GRAMD1B: variants seen among roughly 807,000 people sequenced by gnomAD.
The protein encoded by GRAMD1B is protein Aster-B.
Under a neutral mutation model 99.7 loss-of-function variants are expected in GRAMD1B, and 37 were observed. The ratio of observed to expected loss-of-function variants is 0.37; its 90% CI spans 0.29 to 0.49. The LOEUF (loss-of-function observed/expected upper bound fraction) is 0.49, where lower values mean the gene tolerates loss of function less well. Ranked by LOEUF, GRAMD1B falls within the 20% of genes least tolerant of loss-of-function variation. GRAMD1B has a pLI of 0.98. For missense variants in GRAMD1B, 888 were observed against 1,009.2 expected (o/e 0.88, Z 1.63); for synonymous variants, 427 against 387.6 (o/e 1.10, Z -1.19).
Position 123,442,497 on chromosome 11 carries a change from C to T in GRAMD1B, c.374+11331C>T, listed in dbSNP as rs144391923. Among the ~76,000 whole-genome samples, 673 of 152,260 alleles carry T rather than the reference C, an allele frequency of 4.4e-3. 2 individuals are homozygous for T. The highest frequency in any genetic ancestry group is 6.8e-3 in the Middle Eastern group (2 of 294). On this transcript the variant is annotated intron_variant, in intron 1 of 19. Coordinates refer to ENST00000635736, the MANE Select transcript of GRAMD1B (RefSeq NM_001387025.1). ...TAAGAAAGTAAAGGAAGGCTGGGCGCGGTGGCTCATGCCTATAATCCCAGC... is the reference window on the plus strand; with the variant it reads ...TAAGAAAGTAAAGGAAGGCTGGGCGTGGTGGCTCATGCCTATAATCCCAGC...
At chr11:123,362,404 C>T (rs1414576377) in intron 1 of GRAMD1B, among the ~76,000 whole-genome samples, 1 of 152,160 alleles carries the variant, frequency 6.6e-6, no homozygotes, top group Admixed American at 6.5e-5. Context: ...CTTGGTGCAA[C>T]TCTGGATCTT....
At chr11:123,403,436 G>A (rs1430868270) in intron 1 of GRAMD1B, among the ~76,000 whole-genome samples, 1 of 119,942 alleles carries the variant, frequency 8.3e-6, no homozygotes, top group African/African-American at 3.8e-5. Context: ...TCAAAATAAT[G>A]ATGATGATGA....
chr11:123,370,878 T>C (rs1346548747), intron 1 of GRAMD1B, among the ~76,000 whole-genome samples: 1 of 152,026 alleles, frequency 6.6e-6, no homozygotes, highest in Non-Finnish European at 1.5e-5. Flanking sequence ...GAGCAGCGAG[T>C]TGGGGTCCTC....
At chr11:123,534,692 GTC>G (rs1387710435) in intron 2 of GRAMD1B, among the ~76,000 whole-genome samples, 1 of 151,952 alleles carries the variant, frequency 6.6e-6, no homozygotes, top group African/African-American at 2.4e-5. Flanking sequence ...GTGAAACTCT[GTC>G]TCTACTAAAA....
At position 123,624,095 on chromosome 11, in the gene GRAMD1B, G is replaced by C. The variant is rs909820962; in HGVS notation, c.*1500G>C. The C allele has an allele frequency of 2.0e-5, 3 of 152,172 alleles. No individual in the cohort carries two copies. Among genetic ancestry groups the C allele is most frequent in the African/African-American group, 7.2e-5 (3 of 41,440 alleles). 9.4% of individuals were successfully genotyped at this position (152,172 alleles called of 1,614,324 possible). On this transcript the variant is annotated 3_prime_UTR_variant, in exon 20 of 20. Transcript: ENST00000635736. ...TGTAATGACCAAAAGAGTCCCACCA[G>C]CTCCAGGCAGAGCTTGTGGAGATTC...
intron 1 of GRAMD1B, chr11:123,458,507 C>T (rs1950259789): frequency 6.6e-6 from 1 of 152,168 alleles, no homozygotes; most frequent in South Asian, 2.1e-4. Context: ...AAAAATAATG[C>T]TTTACCGGGT....
At chr11:123,481,937 T>C (rs1435724592) in intron 2 of GRAMD1B, among the ~76,000 whole-genome samples, 1 of 152,172 alleles carries the variant, frequency 6.6e-6, no homozygotes, top group African/African-American at 2.4e-5. Flanking sequence ...AAGGTACTTT[T>C]ACCACATTTA....
chr11:123,502,508 C>T (rs1309661260), intron 2 of GRAMD1B, among the ~76,000 whole-genome samples: 7 of 152,170 alleles, frequency 4.6e-5, no homozygotes, highest in African/African-American at 1.7e-4. Flanking sequence ...AATACTGTGG[C>T]ACATGCCTGT....
At chr11:123,513,578 T>TTTCCTTCCTTCGTTCCTTCC (rs1941302681) in intron 2 of GRAMD1B, among the ~76,000 whole-genome samples, 7 of 41,672 alleles carry the variant, frequency 1.7e-4, no homozygotes, top group Non-Finnish European at 3.2e-4. Flanking sequence ...CCTTCCTTCC[T>TTTCCTTCCTTCGTTCCTTCC]TTCCTTCCTT....
At chr11:123,436,289 C>T (rs577902855) in intron 1 of GRAMD1B, among the ~76,000 whole-genome samples, 1 of 152,186 alleles carries the variant, frequency 6.6e-6, no homozygotes, top group East Asian at 1.9e-4. Context: ...ATCCCATTTC[C>T]CCAGCCCTAG....
At chr11:123,529,172 G>A (rs1027728647) in intron 2 of GRAMD1B, among the ~76,000 whole-genome samples, 1 of 107,784 alleles carries the variant, frequency 9.3e-6, no homozygotes, top group Non-Finnish European at 2.3e-5. Flanking sequence ...TCACACCTCC[G>A]ACACATGTGT....
rs1953339583 is a variant in GRAMD1B at position 123,610,131 on chromosome 11, G to T, written c.1777-65G>T. ...GTGGGGTGGGCTTGGGGAGGCTGGAGAAGGTGCTTTTCCAAGCTTCTTGCT... is the reference window on the plus strand; with the variant it reads ...GTGGGGTGGGCTTGGGGAGGCTGGATAAGGTGCTTTTCCAAGCTTCTTGCT... On this transcript the variant is annotated intron_variant, in intron 13 of 19. Transcript: ENST00000635736. The surrounding 1 kb of genome is among the most constrained non-coding windows in gnomAD (Gnocchi z 4.1). 7 of 1,526,286 alleles carry T rather than the reference G, an allele frequency of 4.6e-6. No homozygotes were observed. The Admixed American group carries it at 1.2e-4, about 26-fold the overall frequency. 94.5% of individuals were successfully genotyped at this position (1,526,286 alleles called of 1,614,324 possible).
At chr11:123,434,580 G>A (rs570766445) in intron 1 of GRAMD1B, among the ~76,000 whole-genome samples, 244 of 152,324 alleles carry the variant, frequency 1.6e-3, no homozygotes, top group Middle Eastern at 3.4e-3. Flanking sequence ...TTGAGGCCAG[G>A]AGTTCGAGAC....
intron 1 of GRAMD1B, among the ~76,000 whole-genome samples, chr11:123,452,315 A>G (rs1329850383): frequency 1.3e-5 from 2 of 152,226 alleles, no homozygotes; most frequent in African/African-American, 4.8e-5. Context: ...AATCCTGGCA[A>G]TTAGCCAGAT....
intron 1 of GRAMD1B, among the ~76,000 whole-genome samples, chr11:123,369,816 G>A (rs1298936096): frequency 6.6e-6 from 1 of 151,806 alleles, no homozygotes; most frequent in African/African-American, 2.4e-5. Flanking sequence ...AGGTTGCAAT[G>A]AACCGAGTTC....
Position 123,622,656 on chromosome 11 carries a change from A to C in GRAMD1B, c.*61A>C. 1 of 377,070 alleles carries C rather than the reference A, an allele frequency of 2.7e-6. No homozygotes were observed. The highest frequency in any genetic ancestry group is 5.6e-4 in the Middle Eastern group (1 of 1,774). 23.4% of individuals were successfully genotyped at this position (377,070 alleles called of 1,614,324 possible). On this transcript the variant is annotated 3_prime_UTR_variant, in exon 20 of 20. Transcript: ENST00000635736. ...CAATACATGTACATAGACCATATAA[A>C]TATATATATATAAATATATATATAT...
At chr11:123,569,460 G>C (rs185896810) in intron 2 of GRAMD1B, among the ~76,000 whole-genome samples, 146 of 152,302 alleles carry the variant, frequency 9.6e-4, no homozygotes, top group African/African-American at 3.4e-3. Flanking sequence ...ACAGAATGTA[G>C]ACTCTAGCAA....
At chr11:123,446,130 G>A (rs934588314) in intron 1 of GRAMD1B, among the ~76,000 whole-genome samples, 2 of 152,054 alleles carry the variant, frequency 1.3e-5, no homozygotes, top group Non-Finnish European at 2.9e-5. Context: ...GACCTCACTG[G>A]TTCTCTAGTA....
In GRAMD1B at chr11:123,610,410, C is replaced by A; in HGVS notation, c.1919+72C>A. The stretch of plus-strand genomic sequence containing the variant: ...TTAGAGAACATTCATTTGCTCCTGA[C>A]GGGGAAGGAGGAGGTGGGGAGTGCT... On this transcript the variant is annotated intron_variant, in intron 14 of 19. Transcript: ENST00000635736. The surrounding 1 kb of genome is among the most constrained non-coding windows in gnomAD (Gnocchi z 4.1). 1 of 1,485,724 alleles carries A rather than the reference C, an allele frequency of 6.7e-7. No homozygotes were observed. The highest frequency in any genetic ancestry group is 9.4e-7 in the Non-Finnish European group (1 of 1,068,588). The allele number at this position is 1,485,724 out of a possible 1,614,324, so 92.0% of individuals were successfully genotyped here.
Sources: allele counts gnomAD v4.1 joint callset (sites outside exome capture counted in the v4.1 genomes callset), GRCh38; gene constraint gnomAD v4.1.1; non-coding constraint Gnocchi (gnomAD v3.1); transcripts MANE v1.5; gene names NCBI Gene and HGNC (gene_info 2026-07-23, HGNC 2026-07-21).